The following TSPEAR variants were observed in gnomAD, a reference collection of about 807,000 sequenced individuals.
TSPEAR encodes thrombospondin-type laminin G domain and EAR repeat-containing protein.
Under a neutral mutation model 71.6 loss-of-function variants are expected in TSPEAR, and 69 were observed. The observed-to-expected ratio is 0.96, with a 90% CI of 0.79 to 1.18. The LOEUF (loss-of-function observed/expected upper bound fraction) is 1.18. Among genes scored for constraint, TSPEAR ranks in the 50% most tolerant of loss-of-function variants. The pLI, the probability that TSPEAR is intolerant of heterozygous loss-of-function variation, is 0.00. For synonymous variants in TSPEAR, 402 were observed against 387.2 expected (o/e 1.04, Z -0.45); for missense variants, 971 against 894.9 (o/e 1.09, Z -1.09).
rs1985303077 is a variant in TSPEAR at position 44,658,484 on chromosome 21, C to G, written c.82+52949G>C. The G allele has an allele frequency of 4.7e-5, 28 of 592,152 alleles. No homozygotes were observed. The South Asian group carries it at 5.9e-4, about 13-fold the overall frequency. 36.7% of individuals were successfully genotyped at this position (592,152 alleles called of 1,614,324 possible). A position where few individuals can be genotyped will look rare whatever the true frequency, so the allele number is the denominator to read the frequency against. ...GGCTGCCAGAGTCCTTCTCTCACTC[C>G]AGCAGGAAACTAAAACCCATGTGAG... is the stretch of plus-strand genomic sequence containing the variant. On this transcript the variant is annotated intron_variant, in intron 1 of 11. Transcript: ENST00000323084.
intron 1 of TSPEAR, chr21:44,601,264 A>C (rs363877): frequency 0.084 from 132,678 of 1,574,910 alleles, 11,475 homozygotes; most frequent in African/African-American, 0.44. Context: ...GTCTAGCTGC[A>C]AGCCGGCTTG....
At chr21:44,708,962 T>C (rs1380642226) in intron 1 of TSPEAR, among the ~76,000 whole-genome samples, 1 of 152,222 alleles carries the variant, frequency 6.6e-6, no homozygotes, top group Non-Finnish European at 1.5e-5. Context: ...GCTCAGGGGC[T>C]GAGGCCTCAC....
intron 10 of TSPEAR, among the ~76,000 whole-genome samples, chr21:44,505,407 A>G (rs587651270): frequency 3.3e-5 from 5 of 152,030 alleles, no homozygotes; most frequent in Non-Finnish European, 2.9e-5. Flanking sequence ...TAAAATACAT[A>G]TAACATAACA....
At chr21:44,652,783 T>C (rs1984890220) in intron 1 of TSPEAR, among the ~76,000 whole-genome samples, 1 of 152,180 alleles carries the variant, frequency 6.6e-6, no homozygotes, top group South Asian at 2.1e-4. Flanking sequence ...CCCATTCTTG[T>C]ACACATTTTT....
chr21:44,707,160 C>T (rs1353255619), intron 1 of TSPEAR, among the ~76,000 whole-genome samples: 8 of 152,250 alleles, frequency 5.3e-5, no homozygotes, highest in African/African-American at 1.9e-4. Flanking sequence ...GCGAAGCCCA[C>T]TGGACGCGGA....
At chr21:44,568,765 A>T (rs1555922123) in intron 1 of TSPEAR, among the ~76,000 whole-genome samples, 2 of 152,148 alleles carry the variant, frequency 1.3e-5, no homozygotes, top group Non-Finnish European at 2.9e-5. Context: ...AGCTGGCCCC[A>T]GCCTGGGTAA....
chr21:44,550,745 C>A (rs1555918510), intron 2 of TSPEAR: 3 of 1,614,150 alleles, frequency 1.9e-6, no homozygotes, highest in East Asian at 2.2e-5. Flanking sequence ...GGCGGGAGCA[C>A]ACGGGGCGGC....
At chr21:44,701,133 C>G (rs1393568607) in intron 1 of TSPEAR, among the ~76,000 whole-genome samples, 4 of 152,102 alleles carry the variant, frequency 2.6e-5, no homozygotes, top group Non-Finnish European at 5.9e-5. Context: ...TTTTTTAAAC[C>G]GACACATCAT....
At chr21:44,661,218 T>A (rs189001676) in intron 1 of TSPEAR, among the ~76,000 whole-genome samples, 1 of 139,370 alleles carries the variant, frequency 7.2e-6, no homozygotes, top group Non-Finnish European at 1.5e-5. Flanking sequence ...AGGCGGAGCC[T>A]GCAGTGAGCC....
chr21:44,638,164 C>T, intron 1 of TSPEAR: 1 of 1,607,840 alleles, frequency 6.2e-7, no homozygotes, highest in Non-Finnish European at 8.5e-7. Flanking sequence ...GCCAGAAGTC[C>T]AGCTGCTGAC....
intron 1 of TSPEAR, among the ~76,000 whole-genome samples, chr21:44,578,613 C>T (rs1328950124): frequency 1.3e-5 from 2 of 152,166 alleles, no homozygotes; most frequent in Non-Finnish European, 2.9e-5. Flanking sequence ...TGGACACAGA[C>T]TCCTGGGATG....
chr21:44,520,480 A>T lies in TSPEAR; in HGVS notation c.1566+1403T>A, dbSNP rs1265698120. 6.6e-6 allele frequency: 1 copy of T among 152,146 alleles called. No homozygotes were observed. The highest frequency in any genetic ancestry group is 1.5e-5 in the Non-Finnish European group (1 of 68,044). The allele number at this position is 152,146 out of a possible 1,614,324, so 9.4% of individuals were successfully genotyped here. ...GGGTGGGGCGGTGGTCACCTGGATGACGCTGTGCCCCAGCCTGCCAGAGGG... is the reference window on the plus strand; with the variant it reads ...GGGTGGGGCGGTGGTCACCTGGATGTCGCTGTGCCCCAGCCTGCCAGAGGG... On this transcript the variant is annotated intron_variant, in intron 9 of 11. Coordinates refer to ENST00000323084, the MANE Select transcript of TSPEAR (RefSeq NM_144991.3). This position sits in a 1 kb window ranked among gnomAD's most constrained non-coding sequence, Gnocchi z 4.2.
rs587652259 is a variant in TSPEAR at position 44,617,063 on chromosome 21, ACTCACTCACCCACTCACTCAC to A, written c.83-49079_83-49059del. ...AAACCCCAAGGGCCCCAAGCACCTC[ACTCACTCACCCACTCACTCAC>A]CTCACTCACCCACTCATGCCTCCCC... is the stretch of plus-strand genomic sequence containing the variant. On this transcript the variant is annotated intron_variant, in intron 1 of 11. Coordinates refer to ENST00000323084, the MANE Select transcript of TSPEAR (RefSeq NM_144991.3). 2.2e-4 allele frequency among the ~76,000 whole-genome samples: 33 copies of A among 152,064 alleles called. 1 individual carries two copies. The East Asian group carries it at 6.2e-3, about 28-fold the overall frequency.
rs1366834121 is a variant in TSPEAR, at chr21:44,498,317, A to G, written c.*1466T>C. 2 of 152,214 alleles carry G rather than the reference A, an allele frequency of 1.3e-5. No individual in the cohort carries two copies. The highest frequency in any genetic ancestry group is 4.8e-5 in the African/African-American group (2 of 41,448). The allele number at this position is 152,214 out of a possible 1,614,324, so 9.4% of individuals were successfully genotyped here. On this transcript the variant is annotated 3_prime_UTR_variant, in exon 12 of 12. Transcript: ENST00000323084. Reference sequence around the variant, plus strand: ...CACAGGTGCTGACCCAATGAGGCCAATCATGTGTGATTGGGACCTTCTGAG... The same window carrying G: ...CACAGGTGCTGACCCAATGAGGCCAGTCATGTGTGATTGGGACCTTCTGAG...
intron 1 of TSPEAR, among the ~76,000 whole-genome samples, chr21:44,619,317 GAAAC>G (rs587648793): frequency 4.2e-4 from 64 of 152,346 alleles, no homozygotes; most frequent in African/African-American, 1.5e-3. Flanking sequence ...AAAACTGACA[GAAAC>G]AAACAAAAAC....
chr21:44,562,707 T>C lies in TSPEAR; in HGVS notation c.303+5078A>G, dbSNP rs587662035. Among the ~76,000 whole-genome samples, 878 of 152,244 alleles carry C rather than the reference T, an allele frequency of 5.8e-3. 4 individuals are homozygous for C. Among genetic ancestry groups the C allele is most frequent in the Admixed American group, 0.012 (182 of 15,292 alleles). Reference sequence around the variant, plus strand: ...AAACAATGGGCACCAGAAGGTAGTATGATGGTACATTCAAAGTGCTCAAAG... The same window carrying C: ...AAACAATGGGCACCAGAAGGTAGTACGATGGTACATTCAAAGTGCTCAAAG... On this transcript the variant is annotated intron_variant, in intron 2 of 11. Transcript: ENST00000323084.
chr21:44,515,208 GA>G (rs1367981380), intron 9 of TSPEAR, among the ~76,000 whole-genome samples: 1 of 152,254 alleles, frequency 6.6e-6, no homozygotes, highest in Non-Finnish European at 1.5e-5. Flanking sequence ...CACAATGTGA[GA>G]AATGTTGGCA....
chr21:44,569,246 G>A (rs1044468427), intron 1 of TSPEAR, among the ~76,000 whole-genome samples: 8 of 152,310 alleles, frequency 5.3e-5, no homozygotes, highest in African/African-American at 7.2e-5. Context: ...CCGCACACGC[G>A]CACACAGGGT....
chr21:44,657,104 T>G (rs1008699242), intron 1 of TSPEAR, among the ~76,000 whole-genome samples: 15 of 152,070 alleles, frequency 9.9e-5, no homozygotes, highest in African/African-American at 3.6e-4. Flanking sequence ...CATGGCCACA[T>G]TGTCTCCTCA....
Sources: gnomAD v4.1 joint callset for allele counts (sites outside exome capture counted in the v4.1 genomes callset) on GRCh38, gnomAD v4.1.1 for gene constraint, Gnocchi (gnomAD v3.1) non-coding constraint, MANE v1.5 for transcripts, NCBI Gene and HGNC (gene_info 2026-07-23, HGNC 2026-07-21) for gene names.